Variants in ABI3BP observed in about 807,000 individuals in gnomAD.
ABI3BP encodes the protein target of Nesh-SH3.
A neutral mutation model predicts 268.6 loss-of-function variants in ABI3BP; 216 were observed. That is an observed-to-expected ratio of 0.80 (90% CI 0.72 to 0.90). The LOEUF is 0.90. ABI3BP is among the 40% of genes least tolerant of loss of function. The pLI is 0.00. For missense variants in ABI3BP, 2,090 were observed against 2,182.4 expected, an observed-to-expected ratio of 0.96 and a Z score of 0.84; for synonymous variants, 730 against 730.0, an observed-to-expected ratio of 1.00 and a Z score of 0.00.
chr3:100,880,281 T>C (rs1003029119), intron 6 of ABI3BP, among the ~76,000 whole-genome samples: 3 of 152,166 alleles, frequency 2.0e-5, no homozygotes, highest in Non-Finnish European at 4.4e-5. Flanking sequence ...GACACCACTC[T>C]GGCAGCGATT....
At chr3:100,891,402 C>G (rs911482857) in intron 4 of ABI3BP, among the ~76,000 whole-genome samples, 1 of 152,118 alleles carries the variant, frequency 6.6e-6, no homozygotes, top group African/African-American at 2.4e-5. Flanking sequence ...TAGCAGGAGA[C>G]AGTATAATTT....
At chr3:100,916,789 T>C (rs2153587894) in intron 2 of ABI3BP, among the ~76,000 whole-genome samples, 1 of 152,324 alleles carries the variant, frequency 6.6e-6, no homozygotes, top group South Asian at 2.1e-4. Context: ...TCCCTTTTCT[T>C]GATGCAAAGC....
At chr3:100,919,360 C>T (rs926891983) in intron 2 of ABI3BP, among the ~76,000 whole-genome samples, 3 of 151,990 alleles carry the variant, frequency 2.0e-5, no homozygotes, top group South Asian at 2.1e-4. Context: ...TTATTAAACA[C>T]TTTTATGATA....
intron 1 of ABI3BP, among the ~76,000 whole-genome samples, chr3:100,953,057 A>G (rs1441927357): frequency 6.6e-6 from 1 of 152,076 alleles, no homozygotes; most frequent in Non-Finnish European, 1.5e-5. Flanking sequence ...TCACTTTTCA[A>G]ATATACTTCT....
intron 20 of ABI3BP, chr3:100,843,534 T>C (rs1477148411): frequency 1.1e-6 from 1 of 931,828 alleles, no homozygotes; most frequent in Admixed American, 7.1e-5. Context: ...TGTGTGTGTG[T>C]GTGTGTGTGA....
In ABI3BP at chr3:100,951,382, C is replaced by T. The variant is rs535964739; in HGVS notation, c.80-24901G>A. On this transcript the variant is annotated intron_variant, in intron 1 of 67. Transcript: ENST00000471714. ...TCCTCCTCTGGCCCTCATAACATGG[C>T]AATTCACAAAGTTTCTGTCTTTTGC... Among the ~76,000 whole-genome samples, 246 of 152,086 alleles carry T rather than the reference C, an allele frequency of 1.6e-3. 4 individuals carry two copies. In the South Asian group the frequency reaches 0.018, roughly 11 times the overall value.
intron 40 of ABI3BP, 86 bp downstream of exon 40, chr3:100,820,134 C>A (rs926946005): frequency 1.7e-6 from 2 of 1,183,668 alleles, no homozygotes; most frequent in African/African-American, 1.5e-5. Context: ...GGTACTCACA[C>A]AGGCCATCAC....
chr3:100,929,492 A>G (rs1446742287), intron 1 of ABI3BP, among the ~76,000 whole-genome samples: 2 of 152,092 alleles, frequency 1.3e-5, no homozygotes, highest in Non-Finnish European at 2.9e-5. Context: ...CTAAAATTCC[A>G]GTTCATACTA....
chr3:100,813,828 C>A, intron 44 of ABI3BP, 93 bp from the exon 45 acceptor site: 2 of 1,076,252 alleles, frequency 1.9e-6, no homozygotes, highest in Non-Finnish European at 2.7e-6. Flanking sequence ...AATACACAGA[C>A]CCTGAAAATC....
intron 1 of ABI3BP, among the ~76,000 whole-genome samples, chr3:100,951,856 T>C (rs2075184714): frequency 6.6e-6 from 1 of 151,978 alleles, no homozygotes; most frequent in South Asian, 2.1e-4. Flanking sequence ...GTGCAGGTCA[T>C]CTTGAGCCCA....
In ABI3BP at chr3:100,750,490, A is replaced by G. The variant is rs1259811596; in HGVS notation, c.*5T>C. On this transcript the variant is annotated 3_prime_UTR_variant, in exon 68 of 68. Coordinates refer to ENST00000471714, the MANE Select transcript of ABI3BP (RefSeq NM_001375547.2). ...GATGAAACAGAAGGTAACTTTGTGC[A>G]GCATCTACCATTTTCCAGGAATTGT... 1 of 1,601,970 alleles carries G rather than the reference A, an allele frequency of 6.2e-7. No homozygotes were observed. The highest frequency in any genetic ancestry group is 8.5e-7 in the Non-Finnish European group (1 of 1,170,244).
In ABI3BP at chr3:100,953,546, A is replaced by C. The variant is rs77039235; in HGVS notation, c.80-27065T>G. Among the ~76,000 whole-genome samples the C allele has an allele frequency of 2.2e-4, 33 of 152,340 alleles. 1 individual carries two copies. The East Asian group carries it at 6.4e-3, about 29-fold the overall frequency. ...GCTATATGCAAAAAATTACATTTGC[A>C]AAAGAAAATAAGGATTTTTCTGAGG... is the stretch of plus-strand genomic sequence containing the variant. On this transcript the variant is annotated intron_variant, in intron 1 of 67. Coordinates refer to ENST00000471714, the MANE Select transcript of ABI3BP (RefSeq NM_001375547.2).
chr3:100,956,983 T>C (rs961696809), intron 1 of ABI3BP, among the ~76,000 whole-genome samples: 3 of 152,134 alleles, frequency 2.0e-5, no homozygotes, highest in African/African-American at 7.2e-5. Flanking sequence ...CTGACGGAGT[T>C]TGGCTTTTAT....
At chr3:100,903,886 C>T (rs2713792) in intron 2 of ABI3BP, among the ~76,000 whole-genome samples, 152,305 of 152,336 alleles carry the variant, frequency 1, 76,137 homozygotes, top group Non-Finnish European at 1. Flanking sequence ...TTTGCCTCAT[C>T]ATTGTACAGT....
chr3:100,749,353 T>C lies in ABI3BP; in HGVS notation c.*1142A>G, dbSNP rs980495412. Reference sequence around the variant, plus strand: ...CTCAATCTTAAAAAAAAACTACATCTCTTTATTGCAGAATTTATACTTGTT... The same window carrying C: ...CTCAATCTTAAAAAAAAACTACATCCCTTTATTGCAGAATTTATACTTGTT... On this transcript the variant is annotated 3_prime_UTR_variant, in exon 68 of 68. Transcript: ENST00000471714. 4.3e-6 allele frequency: 1 copy of C among 230,310 alleles called. No individual in the cohort carries two copies. Among genetic ancestry groups the C allele is most frequent in the African/African-American group, 2.8e-5 (1 of 35,572 alleles). The allele number at this position is 230,310 out of a possible 1,614,324, so 14.3% of individuals were successfully genotyped here. A position where few individuals can be genotyped will look rare whatever the true frequency, so the allele number is the denominator to read the frequency against.
In ABI3BP at chr3:100,822,609, T is replaced by G. The variant is rs758224480; in HGVS notation, c.2867A>C (p.Glu956Ala). 3 of 1,536,578 alleles carry G rather than the reference T, an allele frequency of 2.0e-6. No individual in the cohort carries two copies. Among genetic ancestry groups the G allele is most frequent in the South Asian group, 1.2e-5 (1 of 84,058 alleles). The stretch of plus-strand genomic sequence containing the variant: ...TTTACCTGGTTTGGATTCAGGTGCT[T>G]CAGGACGTGGTGTGGTTTTTGTTCT... ...RLRTKTTPRP[E>A]APESKPVPTA... Residue 956 changes from glutamate (E) to alanine (A), a missense_variant, in exon 38 of 68, where the codon GAA (glutamate) becomes GCA (alanine). Coordinates refer to ENST00000471714, the MANE Select transcript of ABI3BP (RefSeq NM_001375547.2).
rs139512543 is a variant in ABI3BP, at chr3:100,845,550, C to A, written c.1723+822G>T. ...CAGAAAATCTCTTGCTTTAATAATC[C>A]TACTGTGTAAACATGCCATTAATGG... On this transcript the variant is annotated intron_variant, in intron 20 of 67. Transcript: ENST00000471714. 1.2e-3 allele frequency among the ~76,000 whole-genome samples: 188 copies of A among 152,198 alleles called. 1 individual carries two copies. Among genetic ancestry groups the A allele is most frequent in the African/African-American group, 4.0e-3 (167 of 41,534 alleles).
intron 22 of ABI3BP, among the ~76,000 whole-genome samples, chr3:100,840,393 G>A (rs1025137596): frequency 2.6e-5 from 4 of 152,050 alleles, no homozygotes; most frequent in African/African-American, 7.2e-5. Flanking sequence ...CTTCCATTTT[G>A]AGATGGAAAA....
In ABI3BP at chr3:100,871,093, A is replaced by G. The variant is rs76490406; in HGVS notation, c.910+3748T>C. Among the ~76,000 whole-genome samples the G allele has an allele frequency of 7.7e-3, 1,178 of 152,270 alleles. 44 individuals are homozygous for G. Among genetic ancestry groups the G allele is most frequent in the Admixed American group, 0.06 (922 of 15,276 alleles). On this transcript the variant is annotated intron_variant, in intron 9 of 67. Coordinates refer to ENST00000471714, the MANE Select transcript of ABI3BP (RefSeq NM_001375547.2). ...GTTGCAGATGCATAGGATGAATAAG[A>G]CTAGAAATCTAAAGTAGAAAACAAG...
Sources: allele counts gnomAD v4.1 joint callset (sites outside exome capture counted in the v4.1 genomes callset), GRCh38; gene constraint gnomAD v4.1.1; transcripts MANE v1.5; gene names NCBI Gene and HGNC (gene_info 2026-07-23, HGNC 2026-07-21).